Variants in CAST observed in about 807,000 individuals in gnomAD.
CAST encodes the protein calpastatin.
CAST carries 76 observed loss-of-function variants against 119.6 expected under a neutral mutation model. The ratio of observed to expected loss-of-function variants is 0.64; its 90% confidence interval spans 0.53 to 0.77. CAST has a LOEUF of 0.77. Ranked by LOEUF, CAST falls within the 30% of genes least tolerant of loss-of-function variation. The pLI, the probability that CAST is intolerant of heterozygous loss-of-function variation, is 0.00. For missense variants in CAST, 953 were observed against 946.5 expected, an observed-to-expected ratio of 1.01 and a Z score of -0.09; for synonymous variants, 319 against 331.6, an observed-to-expected ratio of 0.96 and a Z score of 0.41.
At chr5:96,669,807 C>T (rs756525870) in intron 1 of CAST, among the ~76,000 whole-genome samples, 13 of 152,158 alleles carry the variant, frequency 8.5e-5, no homozygotes, top group African/African-American at 2.2e-4. Flanking sequence ...CGGAAACTTC[C>T]GCTTCCTATC....
the CAST span, among the ~76,000 whole-genome samples, chr5:96,133,305 AC>A: frequency 3.4e-5 from 5 of 148,796 alleles, no homozygotes; most frequent in East Asian, 3.9e-4. Flanking sequence ...AAAAAAAAAA[AC>A]ACACACACAC....
intron 1 of CAST, among the ~76,000 whole-genome samples, chr5:96,577,827 A>C (rs147587468): frequency 6.6e-6 from 1 of 152,144 alleles, no homozygotes; most frequent in African/African-American, 2.4e-5. Flanking sequence ...TGTTCTCTTG[A>C]AAAGGGTACA....
At chr5:96,650,379 G>A (rs1580858429) in intron 1 of CAST, among the ~76,000 whole-genome samples, 1 of 152,150 alleles carries the variant, frequency 6.6e-6, no homozygotes, top group Admixed American at 6.5e-5. Flanking sequence ...GGGAGCTGCT[G>A]GGCCTGCAAC....
intron 1 of CAST, among the ~76,000 whole-genome samples, chr5:96,620,649 A>G (rs1004039905): frequency 3.9e-5 from 6 of 152,242 alleles, no homozygotes; most frequent in Admixed American, 6.5e-5. Flanking sequence ...GATATTTATC[A>G]AGACATAACC....
chr5:96,080,224 C>T, the CAST span, among the ~76,000 whole-genome samples: 1 of 152,090 alleles, frequency 6.6e-6, no homozygotes, highest in Non-Finnish European at 1.5e-5. Context: ...CATTAAAGGA[C>T]CTAACAGAAG....
the CAST span, among the ~76,000 whole-genome samples, chr5:96,464,686 G>T: frequency 3.9e-5 from 6 of 152,030 alleles, no homozygotes; most frequent in Non-Finnish European, 5.9e-5. Flanking sequence ...CACTTTTATT[G>T]TGAAACGTAA....
the CAST span, among the ~76,000 whole-genome samples, chr5:96,281,688 T>C: frequency 6.6e-6 from 1 of 152,044 alleles, no homozygotes; most frequent in African/African-American, 2.4e-5. Flanking sequence ...AGAGAAGTAA[T>C]GATGAAGGGT....
the CAST span, among the ~76,000 whole-genome samples, chr5:96,328,078 T>A: frequency 1.3e-5 from 2 of 152,142 alleles, no homozygotes; most frequent in African/African-American, 4.8e-5. Flanking sequence ...ATAATCAACT[T>A]TTGTTTATTC....
At chr5:96,108,224 C>T in the CAST span, among the ~76,000 whole-genome samples, 307 of 152,294 alleles carry the variant, frequency 2.0e-3, no homozygotes, top group African/African-American at 6.9e-3. Flanking sequence ...TCTCTCAGCT[C>T]GTCAAAGTCA....
chr5:96,258,004 T>C, the CAST span, among the ~76,000 whole-genome samples: 3 of 152,142 alleles, frequency 2.0e-5, no homozygotes, highest in Non-Finnish European at 4.4e-5. Flanking sequence ...CACTAAAGGC[T>C]CAGCATGGAC....
At chr5:96,708,050 A>T (rs758885755) in intron 3 of CAST, among the ~76,000 whole-genome samples, 86 of 152,240 alleles carry the variant, frequency 5.6e-4, no homozygotes, top group Non-Finnish European at 8.4e-4. Context: ...TTGTGTTTAT[A>T]TCCGATAGGG....
intron 24 of CAST, among the ~76,000 whole-genome samples, chr5:96,759,032 A>T (rs1322856449): frequency 6.6e-6 from 1 of 152,186 alleles, no homozygotes; most frequent in African/African-American, 2.4e-5. Context: ...AAAAAGTAAC[A>T]ATGGATTTAT....
At chr5:96,319,634 C>G in the CAST span, among the ~76,000 whole-genome samples, 1 of 152,166 alleles carries the variant, frequency 6.6e-6, no homozygotes, top group Non-Finnish European at 1.5e-5. Context: ...GTGAGATGAG[C>G]TGAAAGTGCT....
the CAST span, among the ~76,000 whole-genome samples, chr5:96,313,888 C>G: frequency 3.3e-3 from 503 of 152,118 alleles, 5 homozygotes; most frequent in African/African-American, 0.011. Flanking sequence ...TGAAAAACAT[C>G]AAATAATTGA....
the CAST span, among the ~76,000 whole-genome samples, chr5:96,032,916 T>C: frequency 2.3e-4 from 35 of 152,254 alleles, no homozygotes; most frequent in South Asian, 7.3e-3. Context: ...TGACCTCATG[T>C]ATAGAAAACC....
chr5:96,352,218 G>C, the CAST span, among the ~76,000 whole-genome samples: 2 of 152,144 alleles, frequency 1.3e-5, no homozygotes, highest in East Asian at 3.8e-4. Context: ...GTCTCTTTTT[G>C]TGTTCTTCAA....
chr5:96,170,198 C>T, the CAST span, among the ~76,000 whole-genome samples: 1 of 152,196 alleles, frequency 6.6e-6, no homozygotes, highest in African/African-American at 2.4e-5. Flanking sequence ...GTCAGAGAGC[C>T]TTGGGCCAGA....
At chr5:96,442,018 C>T in the CAST span, among the ~76,000 whole-genome samples, 1 of 152,186 alleles carries the variant, frequency 6.6e-6, no homozygotes, top group African/African-American at 2.4e-5. Context: ...CTTCTCACTA[C>T]ACCATTATTA....
At chr5:96,357,048 A>G in the CAST span, among the ~76,000 whole-genome samples, 1 of 152,128 alleles carries the variant, frequency 6.6e-6, no homozygotes, top group Non-Finnish European at 1.5e-5. Context: ...GGTCCTTCAC[A>G]TCCCTTGTAA....
Sources: allele counts gnomAD v4.1 joint callset (sites outside exome capture counted in the v4.1 genomes callset), GRCh38; gene constraint gnomAD v4.1.1; transcripts MANE v1.5; gene names NCBI Gene and HGNC (gene_info 2026-07-23, HGNC 2026-07-21).